CADM1: variants seen among roughly 807,000 people sequenced by gnomAD.
The protein encoded by CADM1 is TSLC-1.
CADM1 carries 15 observed loss-of-function variants against 53.1 expected under a neutral mutation model. The observed-to-expected ratio is 0.28, with a 90% confidence interval of 0.19 to 0.44. The LOEUF (loss-of-function observed/expected upper bound fraction) is 0.44. Ranked by LOEUF, CADM1 falls within the 20% of genes least tolerant of loss-of-function variation. The pLI is 1.00. For synonymous variants in CADM1, 281 were observed against 243.0 expected, an observed-to-expected ratio of 1.16 and a Z score of -1.45; for missense variants, 434 against 611.3, an observed-to-expected ratio of 0.71 and a Z score of 3.06.
intron 1 of CADM1, among the ~76,000 whole-genome samples, chr11:115,312,631 A>G (rs1398288854): frequency 1.3e-5 from 2 of 152,166 alleles, no homozygotes; most frequent in Non-Finnish European, 2.9e-5. Flanking sequence ...AACACACTTG[A>G]TTGATTTCTT....
At chr11:115,250,715 CTTTT>C (rs1412717649) in intron 1 of CADM1, among the ~76,000 whole-genome samples, 2 of 151,986 alleles carry the variant, frequency 1.3e-5, no homozygotes, top group Non-Finnish European at 2.9e-5. Context: ...CGCTATGCTT[CTTTT>C]TTTTCCCTTT....
chr11:115,429,413 A>G (rs1407968432), intron 1 of CADM1, among the ~76,000 whole-genome samples: 1 of 151,950 alleles, frequency 6.6e-6, no homozygotes, highest in Non-Finnish European at 1.5e-5. Context: ...ACGAGTCTGA[A>G]CAACACAGTG....
intron 1 of CADM1, among the ~76,000 whole-genome samples, chr11:115,410,655 A>C (rs552656205): frequency 6.6e-6 from 1 of 152,240 alleles, no homozygotes; most frequent in Non-Finnish European, 1.5e-5. Context: ...GTTTAAAAAA[A>C]GGGAAATTTA....
intron 1 of CADM1, among the ~76,000 whole-genome samples, chr11:115,446,727 A>G (rs1013884010): frequency 5.3e-5 from 8 of 152,170 alleles, no homozygotes; most frequent in African/African-American, 1.9e-4. Flanking sequence ...TAAAAGGGCC[A>G]CTGCTCTTTC....
chr11:115,481,343 C>T lies in CADM1; in HGVS notation c.124+22928G>A, dbSNP rs370952361. Reference sequence around the variant, plus strand: ...TTCCCTGTAGCATTTGACACTGTGGCTCACTCACCTTCTTAGATGCCAAAA... The same window carrying T: ...TTCCCTGTAGCATTTGACACTGTGGTTCACTCACCTTCTTAGATGCCAAAA... On this transcript the variant is annotated intron_variant, in intron 1 of 11. Transcript: ENST00000331581. Among the ~76,000 whole-genome samples the T allele has an allele frequency of 5.3e-5, 8 of 152,340 alleles. No individual in the cohort carries two copies. In the East Asian group the frequency reaches 9.7e-4, roughly 18 times the overall value.
At chr11:115,369,026 T>TTA (rs1946244107) in intron 1 of CADM1, among the ~76,000 whole-genome samples, 2 of 44,748 alleles carry the variant, frequency 4.5e-5, no homozygotes, top group African/African-American at 1.7e-4. Context: ...AAAAAAAATC[T>TTA]AAAAAAAAAA....
At chr11:115,434,409 T>A (rs1387069555) in intron 1 of CADM1, among the ~76,000 whole-genome samples, 2 of 152,238 alleles carry the variant, frequency 1.3e-5, no homozygotes, top group African/African-American at 4.8e-5. Flanking sequence ...CCAAGCTAAG[T>A]GCAGTTAATC....
At chr11:115,194,375 C>T (rs1285773159) in intron 9 of CADM1, among the ~76,000 whole-genome samples, 1 of 152,130 alleles carries the variant, frequency 6.6e-6, no homozygotes, top group East Asian at 1.9e-4. Flanking sequence ...ATAAACGAGT[C>T]AGGAAAAGGA....
chr11:115,329,060 C>T (rs7103154), intron 1 of CADM1, among the ~76,000 whole-genome samples: 30,744 of 151,686 alleles, frequency 0.2, 4,541 homozygotes, highest in African/African-American at 0.41. Flanking sequence ...TCAACCACCA[C>T]TTAACTACTC....
At chr11:115,240,441 G>C in intron 1 of CADM1, 21 bp from the exon 2 acceptor site, 2 of 1,612,970 alleles carry the variant, frequency 1.2e-6, no homozygotes, top group South Asian at 1.1e-5. Flanking sequence ...GGGAAGAAAA[G>C]GTCAGAGGAA....
At chr11:115,309,540 TTTC>T (rs1423131323) in intron 1 of CADM1, among the ~76,000 whole-genome samples, 1 of 152,148 alleles carries the variant, frequency 6.6e-6, no homozygotes, top group Non-Finnish European at 1.5e-5. Flanking sequence ...GTCCTTTGTT[TTTC>T]TTTTACTTTT....
chr11:115,208,069 A>C (rs960016933), intron 8 of CADM1, among the ~76,000 whole-genome samples: 2 of 152,248 alleles, frequency 1.3e-5, no homozygotes, highest in African/African-American at 4.8e-5. Context: ...TCAATTCACT[A>C]GGTCAACAAA....
chr11:115,336,457 C>G (rs10488710), intron 1 of CADM1, among the ~76,000 whole-genome samples: 95,634 of 152,020 alleles, frequency 0.63, 30,287 homozygotes, highest in South Asian at 0.69. Flanking sequence ...ATAAAACCGA[C>G]TGCCACATTT....
chr11:115,448,470 C>T (rs1001243702), intron 1 of CADM1, among the ~76,000 whole-genome samples: 1 of 152,058 alleles, frequency 6.6e-6, no homozygotes, highest in Admixed American at 6.6e-5. Flanking sequence ...TGTGAAAATG[C>T]CTGCTTTTTC....
chr11:115,309,279 A>G (rs1944470630), intron 1 of CADM1, among the ~76,000 whole-genome samples: 1 of 152,136 alleles, frequency 6.6e-6, no homozygotes, highest in African/African-American at 2.4e-5. Flanking sequence ...AACGCTCCAA[A>G]AAAGTTTAGA....
At chr11:115,353,139 GT>G (rs1945780318) in intron 1 of CADM1, among the ~76,000 whole-genome samples, 1 of 152,220 alleles carries the variant, frequency 6.6e-6, no homozygotes, top group Non-Finnish European at 1.5e-5. Flanking sequence ...ATGTAGAGAA[GT>G]GTTTTTGTTC....
chr11:115,396,947 T>C (rs1244532650), intron 1 of CADM1: 1 of 152,166 alleles, frequency 6.6e-6, no homozygotes, highest in East Asian at 1.9e-4. Flanking sequence ...AATAATCTTA[T>C]GCTTCAGACA....
chr11:115,237,462 GAAGTA>G (rs1404706680), intron 3 of CADM1, among the ~76,000 whole-genome samples: 5 of 152,138 alleles, frequency 3.3e-5, no homozygotes, highest in African/African-American at 9.7e-5. Flanking sequence ...CAGCTGTGTT[GAAGTA>G]AAGTAATGAG....
chr11:115,297,393 T>C (rs151054087), intron 1 of CADM1, among the ~76,000 whole-genome samples: 3 of 152,300 alleles, frequency 2.0e-5, no homozygotes, highest in African/African-American at 4.8e-5. Context: ...CTTTGATCAT[T>C]AGAGATACTG....
Sources: gnomAD v4.1 joint callset for allele counts (sites outside exome capture counted in the v4.1 genomes callset) on GRCh38, gnomAD v4.1.1 for gene constraint, MANE v1.5 for transcripts, NCBI Gene and HGNC (gene_info 2026-07-23, HGNC 2026-07-21) for gene names.